Variants in ZDHHC15 observed in about 807,000 individuals in gnomAD.
ZDHHC15 encodes zDHHC palmitoyltransferase 15.
Under a neutral mutation model 31.7 loss-of-function variants are expected in ZDHHC15, and 19 were observed. That is an observed-to-expected ratio of 0.60 (90% CI 0.42 to 0.88). The LOEUF (loss-of-function observed/expected upper bound fraction) is 0.88, where lower values mean the gene tolerates loss of function less well. ZDHHC15 is among the 40% of genes least tolerant of loss of function. The pLI, the probability that ZDHHC15 is intolerant of heterozygous loss-of-function variation, is 0.00. For missense variants in ZDHHC15, 209 were observed against 251.2 expected, an observed-to-expected ratio of 0.83 and a Z score of 1.14; for synonymous variants, 103 against 90.0, an observed-to-expected ratio of 1.14 and a Z score of -0.82.
chrX:75,386,137 G>A (rs1167957406), intron 10 of ZDHHC15, among the ~76,000 whole-genome samples: 1 of 111,739 alleles, frequency 8.9e-6, no homozygotes, highest in Non-Finnish European at 1.9e-5. Context: ...GTATTAATGG[G>A]TGTCATATAA....
rs2083159004 is a variant in ZDHHC15, at chrX:75,384,517, C to A, written c.968-5319G>T. The A allele has an allele frequency of 3.9e-6, 3 of 777,972 alleles. No individual in the cohort carries two copies. The Admixed American group carries it at 6.7e-5, about 17-fold the overall frequency. 64.1% of individuals were successfully genotyped at this position (777,972 alleles called of 1,213,427 possible). On this transcript the variant is annotated intron_variant, in intron 10 of 11. Transcript: ENST00000373367. ...AAAAGGAATGCCCCACAAGTGTTAC[C>A]ATGGCAAAACTGGAAGAGTCTACAA...
chrX:75,477,129 GATTCA>G (rs1204260708), intron 3 of ZDHHC15, among the ~76,000 whole-genome samples: 1 of 111,078 alleles, frequency 9.0e-6, no homozygotes, highest in Non-Finnish European at 1.9e-5. Context: ...TGTCTTATTT[GATTCA>G]TTTGTTAAGC....
chrX:75,386,387 T>G (rs181650107), intron 10 of ZDHHC15, among the ~76,000 whole-genome samples: 193 of 112,254 alleles, frequency 1.7e-3, no homozygotes, highest in African/African-American at 6.0e-3. Context: ...TAGGATATAT[T>G]CTATAAAAAT....
At chrX:75,380,578 CT>C (rs1480320304) in intron 10 of ZDHHC15, among the ~76,000 whole-genome samples, 1 of 111,541 alleles carries the variant, frequency 9.0e-6, no homozygotes, top group African/African-American at 3.3e-5. Context: ...CAATTATCAA[CT>C]TTGGTTTCAC....
At chrX:75,497,933 C>CTT (rs1229705652) in intron 2 of ZDHHC15, among the ~76,000 whole-genome samples, 18,564 of 87,762 alleles carry the variant, frequency 0.21, 2,178 homozygotes, top group African/African-American at 0.38. Context: ...AGGATGCCCA[C>CTT]TTTTTTTTTT....
At chrX:75,455,037 C>G (rs777916156) in intron 3 of ZDHHC15, among the ~76,000 whole-genome samples, 19 of 111,368 alleles carry the variant, frequency 1.7e-4, no homozygotes, top group Admixed American at 7.7e-4. Context: ...CATATGGAAT[C>G]AAAAAAGAGC....
At chrX:75,492,596 G>A (rs1159973466) in intron 2 of ZDHHC15, among the ~76,000 whole-genome samples, 1 of 111,832 alleles carries the variant, frequency 8.9e-6, no homozygotes, top group African/African-American at 3.3e-5. Flanking sequence ...AGGCCACAGT[G>A]CAATCAAACT....
At chrX:75,457,378 T>C (rs941818735) in intron 3 of ZDHHC15, among the ~76,000 whole-genome samples, 3 of 111,382 alleles carry the variant, frequency 2.7e-5, no homozygotes, top group Non-Finnish European at 3.8e-5. Context: ...AAATTCTTTA[T>C]ATATTTTGGA....
intron 3 of ZDHHC15, among the ~76,000 whole-genome samples, chrX:75,456,767 G>A (rs755864275): frequency 9.0e-6 from 1 of 111,045 alleles, no homozygotes; most frequent in African/African-American, 3.3e-5. Context: ...CTATGACAAC[G>A]TTTCCTCTCT....
At chrX:75,454,943 C>T (rs1042094275) in intron 3 of ZDHHC15, among the ~76,000 whole-genome samples, 3 of 110,872 alleles carry the variant, frequency 2.7e-5, no homozygotes, top group African/African-American at 9.8e-5. Context: ...CCATACTGCC[C>T]AAGGTAATTT....
At chrX:75,385,763 A>C (rs2083172824) in intron 10 of ZDHHC15, among the ~76,000 whole-genome samples, 1 of 111,178 alleles carries the variant, frequency 9.0e-6, no homozygotes, top group Non-Finnish European at 1.9e-5. Flanking sequence ...TCTAATCTTC[A>C]AGGTCCAAAT....
rs368376250 is a variant in ZDHHC15, at chrX:75,458,831, G to A, written c.259-7909C>T. ...GATGGCTGATTAGAAGCAGCAGTCC[G>A]TGGCACTCATGGAGAGGAATGAAAG... On this transcript the variant is annotated intron_variant, in intron 3 of 11. Transcript: ENST00000373367. Among the ~76,000 whole-genome samples, 17 of 109,240 alleles carry A rather than the reference G, an allele frequency of 1.6e-4. No individual in the cohort carries two copies. In the East Asian group the frequency reaches 2.9e-3, roughly 19 times the overall value. 94.9% of individuals were successfully genotyped at this position (109,240 alleles called of 115,157 possible). A position where few individuals can be genotyped will look rare whatever the true frequency, so the allele number is the denominator to read the frequency against.
At chrX:75,519,326 G>T (rs1013548148) in intron 1 of ZDHHC15, among the ~76,000 whole-genome samples, 1 of 111,432 alleles carries the variant, frequency 9.0e-6, no homozygotes, top group Admixed American at 9.6e-5. Flanking sequence ...ACTATCTAAT[G>T]AGCTCTTATA....
intron 3 of ZDHHC15, among the ~76,000 whole-genome samples, chrX:75,470,820 GT>G (rs2084493016): frequency 9.0e-6 from 1 of 111,605 alleles, no homozygotes; most frequent in Non-Finnish European, 1.9e-5. Context: ...GACTGATAGG[GT>G]GAGGGTTATT....
chrX:75,439,671 A>C (rs1309676338), intron 4 of ZDHHC15, among the ~76,000 whole-genome samples: 2 of 112,048 alleles, frequency 1.8e-5, no homozygotes, highest in South Asian at 7.4e-4. Context: ...TGGGCAATTC[A>C]CAGGATTCTT....
intron 11 of ZDHHC15, among the ~76,000 whole-genome samples, chrX:75,375,848 T>C (rs2083054116): frequency 8.9e-6 from 1 of 112,064 alleles, no homozygotes; most frequent in African/African-American, 3.2e-5. Context: ...TTTGCTGCTG[T>C]GAATAGTGCT....
chrX:75,500,998 G>A (rs1343254957), intron 2 of ZDHHC15, among the ~76,000 whole-genome samples: 1 of 110,861 alleles, frequency 9.0e-6, no homozygotes. Context: ...GGGGGCACAT[G>A]TAAAGGTTTC....
chrX:75,418,545 C>G (rs1187280214), intron 9 of ZDHHC15, among the ~76,000 whole-genome samples: 1 of 111,864 alleles, frequency 8.9e-6, no homozygotes, highest in Admixed American at 9.6e-5. Context: ...TAAGAATGAC[C>G]TACAACCGCA....
chrX:75,474,834 G>T (rs1441945773), intron 3 of ZDHHC15, among the ~76,000 whole-genome samples: 2 of 110,233 alleles, frequency 1.8e-5, no homozygotes, highest in African/African-American at 6.6e-5. Context: ...GAGACGGGTG[G>T]ATCATGAGGT....
Sources: allele counts gnomAD v4.1 joint callset (sites outside exome capture counted in the v4.1 genomes callset), GRCh38; gene constraint gnomAD v4.1.1; transcripts MANE v1.5; gene names NCBI Gene and HGNC (gene_info 2026-07-23, HGNC 2026-07-21).